FAM174A: variants seen among roughly 807,000 people sequenced by gnomAD.
FAM174A encodes membrane protein FAM174A.
FAM174A carries 14 observed loss-of-function variants against 14.3 expected under a neutral mutation model. The observed-to-expected ratio is 0.98, with a 90% CI of 0.65 to 1.53. FAM174A has a LOEUF of 1.53. Ranked by LOEUF, FAM174A falls within the 40% of genes most tolerant of loss-of-function variation. The pLI is 0.00. For missense variants in FAM174A, 241 were observed against 249.6 expected, an observed-to-expected ratio of 0.97 and a Z score of 0.23; for synonymous variants, 108 against 111.4, an observed-to-expected ratio of 0.97 and a Z score of 0.19.
chr5:100,556,718 T>C (rs1327228467), intron 1 of FAM174A, among the ~76,000 whole-genome samples: 2 of 152,166 alleles, frequency 1.3e-5, no homozygotes, highest in Non-Finnish European at 2.9e-5. Context: ...TGAATGGAAG[T>C]TCACTCATGA....
At chr5:100,546,048 A>G (rs1467596477) in intron 1 of FAM174A, among the ~76,000 whole-genome samples, 1 of 152,224 alleles carries the variant, frequency 6.6e-6, no homozygotes, top group African/African-American at 2.4e-5. Context: ...TTTAATCAGG[A>G]TAGTACAAGC....
intron 1 of FAM174A, among the ~76,000 whole-genome samples, chr5:100,548,287 C>T (rs1278209764): frequency 6.6e-6 from 1 of 152,004 alleles, no homozygotes; most frequent in Non-Finnish European, 1.5e-5. Flanking sequence ...AAGAAAGTTG[C>T]CTCTAAACAA....
At chr5:100,549,046 G>C (rs1170839287) in intron 1 of FAM174A, among the ~76,000 whole-genome samples, 1 of 151,880 alleles carries the variant, frequency 6.6e-6, no homozygotes, top group African/African-American at 2.4e-5. Context: ...ATGTATCTAT[G>C]TATATACCTC....
intron 2 of FAM174A, among the ~76,000 whole-genome samples, chr5:100,563,307 G>C (rs1467615513): frequency 6.6e-6 from 1 of 151,490 alleles, no homozygotes; most frequent in Non-Finnish European, 1.5e-5. Context: ...GACAGAAACT[G>C]ATATTCCATG....
rs528725271 is a variant in FAM174A at position 100,586,114 on chromosome 5, T to C, written c.570-67T>C. ...TCCTTCCCCTCCAAATCTTTCTGAA[T>C]AGTTTTAAATGTTTTTAAAATTGTT... On this transcript the variant is annotated intron_variant, in intron 2 of 2. Coordinates refer to ENST00000312637, the MANE Select transcript of FAM174A (RefSeq NM_198507.3). The C allele has an allele frequency of 1.2e-4, 98 of 826,416 alleles. No homozygotes were observed. The African/African-American group carries it at 1.5e-3, about 13-fold the overall frequency. The allele number at this position is 826,416 out of a possible 1,614,324, so 51.2% of individuals were successfully genotyped here. A position where few individuals can be genotyped will look rare whatever the true frequency, so the allele number is the denominator to read the frequency against.
chr5:100,563,487 T>G (rs1192098588), intron 2 of FAM174A, among the ~76,000 whole-genome samples: 1 of 151,706 alleles, frequency 6.6e-6, no homozygotes, highest in East Asian at 1.9e-4. Context: ...AGCACCTAAA[T>G]TATAAAGCAA....
chr5:100,559,846 T>C lies in FAM174A; in HGVS notation c.435-2208T>C, dbSNP rs6889167. Among the ~76,000 whole-genome samples, 778 of 152,062 alleles carry C rather than the reference T, an allele frequency of 5.1e-3. 5 individuals are homozygous for C. The highest frequency in any genetic ancestry group is 6.8e-3 in the Middle Eastern group (2 of 294). ...GCATTGGTTATTCTAGTTAGCCATT[T>C]GTCTAATTTTTTTTCAAGGTTTTTA... On this transcript the variant is annotated intron_variant, in intron 1 of 2. Coordinates refer to ENST00000312637, the MANE Select transcript of FAM174A (RefSeq NM_198507.3).
At chr5:100,556,284 C>A (rs1746378981) in intron 1 of FAM174A, among the ~76,000 whole-genome samples, 1 of 152,110 alleles carries the variant, frequency 6.6e-6, no homozygotes, top group Non-Finnish European at 1.5e-5. Flanking sequence ...GGGCTCTGTT[C>A]TGTTCCATTG....
intron 2 of FAM174A, among the ~76,000 whole-genome samples, chr5:100,584,660 A>G (rs1747091626): frequency 6.6e-6 from 1 of 152,216 alleles, no homozygotes; most frequent in Non-Finnish European, 1.5e-5. Flanking sequence ...TACAGCAATC[A>G]TGCAACCACA....
intron 1 of FAM174A, among the ~76,000 whole-genome samples, chr5:100,554,932 T>A (rs924836188): frequency 2.0e-5 from 3 of 151,824 alleles, no homozygotes; most frequent in Admixed American, 1.3e-4. Flanking sequence ...CGTAGCTTCT[T>A]TTTTTTTAAT....
At chr5:100,573,030 T>G (rs1158507046) in intron 2 of FAM174A, among the ~76,000 whole-genome samples, 28 of 152,050 alleles carry the variant, frequency 1.8e-4, no homozygotes, top group African/African-American at 5.3e-4. Flanking sequence ...TCATGTGTTT[T>G]TTGGCTGCAT....
chr5:100,569,142 T>G (rs1420913748), intron 2 of FAM174A, among the ~76,000 whole-genome samples: 1 of 151,890 alleles, frequency 6.6e-6, no homozygotes, highest in Non-Finnish European at 1.5e-5. Context: ...CCCTATAGTT[T>G]TTTTGGTAAA....
At chr5:100,555,803 GT>G (rs200041245) in intron 1 of FAM174A, among the ~76,000 whole-genome samples, 4 of 150,616 alleles carry the variant, frequency 2.7e-5, no homozygotes, top group African/African-American at 9.7e-5. Flanking sequence ...TTTTCTTTGA[GT>G]TTTTTTCTTT....
At chr5:100,554,508 G>A (rs1561315839) in intron 1 of FAM174A, among the ~76,000 whole-genome samples, 2 of 151,628 alleles carry the variant, frequency 1.3e-5, no homozygotes, top group Admixed American at 1.3e-4. Context: ...CTAGAGACAG[G>A]ATTTCACCAT....
chr5:100,566,951 A>G (rs1311747279), intron 2 of FAM174A, among the ~76,000 whole-genome samples: 1 of 151,808 alleles, frequency 6.6e-6, no homozygotes. Flanking sequence ...CAAAGAAGAA[A>G]AGTAGTTAGA....
intron 1 of FAM174A, among the ~76,000 whole-genome samples, chr5:100,561,391 T>C (rs1746519078): frequency 6.6e-6 from 1 of 151,930 alleles, no homozygotes; most frequent in South Asian, 2.1e-4. Flanking sequence ...TTCTCGTAAC[T>C]TCCTAGGTGA....
At chr5:100,558,170 T>A (rs370933450) in intron 1 of FAM174A, among the ~76,000 whole-genome samples, 2 of 152,232 alleles carry the variant, frequency 1.3e-5, no homozygotes, top group Non-Finnish European at 2.9e-5. Context: ...AGAACATCTT[T>A]ATTTCTGCCT....
chr5:100,560,670 T>A (rs1433139966), intron 1 of FAM174A, among the ~76,000 whole-genome samples: 1 of 152,092 alleles, frequency 6.6e-6, no homozygotes, highest in Non-Finnish European at 1.5e-5. Flanking sequence ...TCCAGGAGCT[T>A]CACTGTCATG....
intron 2 of FAM174A, 46 bp from the exon 3 acceptor site, chr5:100,586,135 T>C (rs1258598617): frequency 9.4e-7 from 1 of 1,064,452 alleles, no homozygotes; most frequent in Non-Finnish European, 1.4e-6. Context: ...GTTTTTAAAA[T>C]TGTTCTAGAA....
Sources: allele counts gnomAD v4.1 joint callset (sites outside exome capture counted in the v4.1 genomes callset), GRCh38; gene constraint gnomAD v4.1.1; transcripts MANE v1.5; gene names NCBI Gene and HGNC (gene_info 2026-07-23, HGNC 2026-07-21).